CTBP2: variants seen among roughly 807,000 people sequenced by gnomAD.
CTBP2 encodes C-terminal binding protein 2.
A neutral mutation model predicts 80.3 loss-of-function variants in CTBP2; 30 were observed. The ratio of observed to expected loss-of-function variants is 0.37; its 90% CI spans 0.28 to 0.51. The LOEUF is 0.51. Among genes scored for constraint, CTBP2 ranks in the 20% least tolerant of loss-of-function variants. The pLI, the probability that CTBP2 is intolerant of heterozygous loss-of-function variation, is 0.93. For missense variants in CTBP2, 1,212 were observed against 1,375.3 expected, an observed-to-expected ratio of 0.88 and a Z score of 1.88; for synonymous variants, 594 against 587.4, an observed-to-expected ratio of 1.01 and a Z score of -0.16.
At chr10:125,056,013 A>G (rs1279521911) in intron 2 of CTBP2, among the ~76,000 whole-genome samples, 1 of 152,022 alleles carries the variant, frequency 6.6e-6, no homozygotes, top group African/African-American at 2.4e-5. Flanking sequence ...AAAAATACAA[A>G]AACTAGCCAG....
At position 125,125,229 on chromosome 10, in the gene CTBP2, A is replaced by C. The variant is rs75189460; in HGVS notation, c.-205-14136T>G. Among the ~76,000 whole-genome samples the C allele has an allele frequency of 3.5e-3, 531 of 152,286 alleles. 1 individual carries two copies. The highest frequency in any genetic ancestry group is 0.011 in the African/African-American group (460 of 41,566). The stretch of plus-strand genomic sequence containing the variant: ...GACAGCGTTAATCACATGCAAAAAA[A>C]CCTCCAAACTCATTCTCATAAGTCA... On this transcript the variant is annotated intron_variant, in intron 1 of 10. Transcript: ENST00000337195.
At chr10:125,000,924 C>T (rs1954386249) in intron 3 of CTBP2, 1 of 152,256 alleles carries the variant, frequency 6.6e-6, no homozygotes, top group African/African-American at 2.4e-5. Context: ...GAAAAGTGCC[C>T]TTTAAAAGGG....
At chr10:125,146,841 G>C (rs1452546612) in intron 1 of CTBP2, among the ~76,000 whole-genome samples, 1 of 152,178 alleles carries the variant, frequency 6.6e-6, no homozygotes, top group Admixed American at 6.5e-5. Context: ...ACGCACATGC[G>C]TACTGTGCCT....
At position 124,984,372 on chromosome 10, in the gene CTBP2, T is replaced by C. The variant is rs1414884383; in HGVS notation, c.*5146A>G. On this transcript the variant is annotated 3_prime_UTR_variant, in exon 9 of 9. Transcript: ENST00000309035. ...TATACTAGTAATTATAAAACGTTTA[T>C]AATCACAACATGAAGAAAAAAAGTT... The C allele has an allele frequency of 2.4e-5, 4 of 165,198 alleles. No homozygotes were observed. Among genetic ancestry groups the C allele is most frequent in the Non-Finnish European group, 5.2e-5 (4 of 76,942 alleles). The allele number at this position is 165,198 out of a possible 1,614,324, so 10.2% of individuals were successfully genotyped here.
chr10:125,067,737 A>T (rs1844863730), intron 2 of CTBP2, among the ~76,000 whole-genome samples: 1 of 152,216 alleles, frequency 6.6e-6, no homozygotes, highest in African/African-American at 2.4e-5. Context: ...GTCAGCTGTC[A>T]GTCTGTGCAC....
exon 1 of CTBP2, chr10:125,160,403 C>A (rs1861745358): frequency 6.5e-6 from 1 of 153,048 alleles, no homozygotes; most frequent in Non-Finnish European, 1.4e-5. Flanking sequence ...TCCCACCCCA[C>A]CCGGCGGCGG....
intron 2 of CTBP2, among the ~76,000 whole-genome samples, chr10:125,040,623 C>CACACACAA (rs1413189027): frequency 6.6e-6 from 1 of 150,980 alleles, no homozygotes; most frequent in Admixed American, 6.6e-5. Flanking sequence ...CACACACACA[C>CACACACAA]ACAGAAAAAG....
chr10:125,069,222 T>C (rs533390291), intron 2 of CTBP2, among the ~76,000 whole-genome samples: 7 of 152,312 alleles, frequency 4.6e-5, no homozygotes, highest in Non-Finnish European at 1.5e-5. Flanking sequence ...TTGACAACAC[T>C]ACAAATTGCG....
Position 125,026,386 on chromosome 10 carries a change from C to T in CTBP2, c.1374G>A (p.Gln458=). 1 of 1,611,438 alleles carries T rather than the reference C, an allele frequency of 6.2e-7. No homozygotes were observed. Among genetic ancestry groups the T allele is most frequent in the Non-Finnish European group, 8.5e-7 (1 of 1,178,124 alleles). Residue 458 remains glutamine, a synonymous_variant, in exon 1 of 9, where the codon CAG becomes CAA. Coordinates refer to ENST00000309035, the MANE Select transcript of CTBP2 (RefSeq NM_022802.3). ...CCGGGTTAGTCAAGGCCACCCCTGC[C>T]TGCAGGGGGTACGTGGGGCTCAGAC... is the stretch of plus-strand genomic sequence containing the variant.
At chr10:125,141,042 A>G (rs1368692070) in intron 1 of CTBP2, among the ~76,000 whole-genome samples, 1 of 151,372 alleles carries the variant, frequency 6.6e-6, no homozygotes, top group Non-Finnish European at 1.5e-5. Flanking sequence ...GGAGGCTGAG[A>G]CAGGAGAATC....
chr10:125,159,349 C>A (rs1324982129), intron 1 of CTBP2, among the ~76,000 whole-genome samples: 1 of 146,736 alleles, frequency 6.8e-6, no homozygotes, highest in African/African-American at 2.5e-5. Flanking sequence ...CCGGCGGCGG[C>A]GGGCGAGGAG....
chr10:125,054,992 C>A (rs1963583484), intron 2 of CTBP2, among the ~76,000 whole-genome samples: 1 of 152,182 alleles, frequency 6.6e-6, no homozygotes, highest in Non-Finnish European at 1.5e-5. Flanking sequence ...TCAACATGCA[C>A]AGAGTTAACT....
chr10:124,985,873 A>G lies in CTBP2; in HGVS notation c.*3645T>C, dbSNP rs974787963. 2.6e-5 allele frequency: 4 copies of G among 151,290 alleles called. No homozygotes were observed. Among genetic ancestry groups the G allele is most frequent in the Non-Finnish European group, 5.9e-5 (4 of 67,574 alleles). 9.4% of individuals were successfully genotyped at this position (151,290 alleles called of 1,614,324 possible). A position where few individuals can be genotyped will look rare whatever the true frequency, so the allele number is the denominator to read the frequency against. On this transcript the variant is annotated 3_prime_UTR_variant, in exon 9 of 9. Coordinates refer to ENST00000309035, the MANE Select transcript of CTBP2 (RefSeq NM_022802.3). ...AACAATGTGCTGCTCCCAGATTGCC[A>G]TGCCAGAGGGTCTTCGGATTCTTCC...
intron 1 of CTBP2, among the ~76,000 whole-genome samples, chr10:125,127,381 G>A (rs1590953897): frequency 1.3e-5 from 2 of 152,180 alleles, no homozygotes; most frequent in South Asian, 2.1e-4. Flanking sequence ...TGAGAGGCTG[G>A]CAGGTCACCG....
At chr10:125,093,597 C>G (rs1449271631) in intron 2 of CTBP2, among the ~76,000 whole-genome samples, 1 of 152,198 alleles carries the variant, frequency 6.6e-6, no homozygotes, top group Admixed American at 6.5e-5. Flanking sequence ...ACCCAGGCTG[C>G]CCCACCCCCT....
At position 125,000,463 on chromosome 10, in the gene CTBP2, C is replaced by T. The variant is rs150306410; in HGVS notation, c.1979-2293G>A. On this transcript the variant is annotated intron_variant, in intron 3 of 8. Coordinates refer to ENST00000309035, the MANE Select transcript of CTBP2 (RefSeq NM_022802.3). Reference sequence around the variant, plus strand: ...GCTTTTCTCTCACGGTCAGTGCCATCGTGCTTTAATCCCTTCATGACTGCC... The same window carrying T: ...GCTTTTCTCTCACGGTCAGTGCCATTGTGCTTTAATCCCTTCATGACTGCC... The T allele has an allele frequency of 1.2e-3, 181 of 152,370 alleles. 1 individual carries two copies. The highest frequency in any genetic ancestry group is 2.4e-3 in the Non-Finnish European group (160 of 68,050). 9.4% of individuals were successfully genotyped at this position (152,370 alleles called of 1,614,324 possible).
Position 125,127,415 on chromosome 10 carries a change from CTGGGAAGAAAGTAGAA to C in CTBP2, c.-205-16338_-205-16323del, listed in dbSNP as rs1855461734. On this transcript the variant is annotated intron_variant, in intron 1 of 10. Transcript: ENST00000337195. ...CGGGGCTAGCCGTGCACGTCAGTTC[CTGGGAAGAAAGTAGAA>C]TGTGAATCATCTTCTCTCAAACGCC... 4.6e-5 allele frequency among the ~76,000 whole-genome samples: 7 copies of C among 152,320 alleles called. No homozygotes were observed. In the South Asian group the frequency reaches 1.2e-3, roughly 27 times the overall value.
chr10:125,026,495 GA>G lies in CTBP2; in HGVS notation c.1264del (p.Ser422LeufsTer26). On this transcript the variant is annotated frameshift_variant, in exon 1 of 9. Coordinates refer to ENST00000309035, the MANE Select transcript of CTBP2 (RefSeq NM_022802.3). LOFTEE classifies it high-confidence loss of function. Reference sequence around the variant, plus strand: ...GGCATGGGTGCCCACGCCAGGGGCAGAATAGGTGGCTGCCGTCTCCAGGAGG... The same window carrying G: ...GGCATGGGTGCCCACGCCAGGGGCAGATAGGTGGCTGCCGTCTCCAGGAGG... 6.2e-7 allele frequency: 1 copy of G among 1,603,110 alleles called. No individual in the cohort carries two copies. Among genetic ancestry groups the G allele is most frequent in the Non-Finnish European group, 8.5e-7 (1 of 1,173,004 alleles).
chr10:125,081,542 G>T (rs1275536831), intron 2 of CTBP2, among the ~76,000 whole-genome samples: 2 of 152,162 alleles, frequency 1.3e-5, no homozygotes, highest in African/African-American at 4.8e-5. Flanking sequence ...TTCTGTATAT[G>T]AGAGAAACAC....
Sources: allele counts gnomAD v4.1 joint callset (sites outside exome capture counted in the v4.1 genomes callset), GRCh38; gene constraint gnomAD v4.1.1; transcripts MANE v1.5; gene names NCBI Gene and HGNC (gene_info 2026-07-23, HGNC 2026-07-21).